DTNB: variants seen among roughly 807,000 people sequenced by gnomAD.
The protein encoded by DTNB is dystrobrevin beta, also known as DTN-B.
In DTNB, 63 loss-of-function variants were observed where a neutral mutation model predicts 90.7. The observed-to-expected ratio is 0.69, with a 90% CI of 0.57 to 0.86. The LOEUF (loss-of-function observed/expected upper bound fraction) is 0.86, where lower values mean the gene tolerates loss of function less well. Ranked by LOEUF, DTNB falls within the 40% of genes least tolerant of loss-of-function variation. DTNB has a pLI of 0.00. For missense variants in DTNB, 744 were observed against 807.1 expected, an observed-to-expected ratio of 0.92 and a Z score of 0.95; for synonymous variants, 277 against 286.7, an observed-to-expected ratio of 0.97 and a Z score of 0.34.
intron 8 of DTNB, among the ~76,000 whole-genome samples, chr2:25,565,258 C>T (rs1037316125): frequency 6.6e-6 from 1 of 152,034 alleles, no homozygotes; most frequent in African/African-American, 2.4e-5. Context: ...TCTTAAGAGA[C>T]AGGGTCTCAC....
At chr2:25,649,895 G>A (rs1404887043) in intron 2 of DTNB, 4 of 401,632 alleles carry the variant, frequency 1.0e-5, no homozygotes, top group African/African-American at 8.7e-5. Flanking sequence ...ATAGAAAGTA[G>A]TTATGCTGGA....
intron 8 of DTNB, among the ~76,000 whole-genome samples, chr2:25,535,540 G>C (rs866585974): frequency 6.9e-6 from 1 of 145,752 alleles, no homozygotes; most frequent in Non-Finnish European, 1.5e-5. Flanking sequence ...GGGGCGGCCG[G>C]GCAGAGGCGC....
chr2:25,627,372 C>T (rs1335289176), intron 4 of DTNB, among the ~76,000 whole-genome samples: 1 of 151,196 alleles, frequency 6.6e-6, no homozygotes, highest in African/African-American at 2.5e-5. Context: ...AGCTTGCACA[C>T]CATTGCACTC....
intron 18 of DTNB, among the ~76,000 whole-genome samples, chr2:25,384,289 C>T (rs1366397414): frequency 6.6e-6 from 1 of 151,718 alleles, no homozygotes; most frequent in African/African-American, 2.4e-5. Flanking sequence ...TAGATTAACA[C>T]GGGGTTCTGT....
intron 19 of DTNB, among the ~76,000 whole-genome samples, chr2:25,381,258 CTGTG>C (rs879895173): frequency 8.5e-5 from 13 of 152,194 alleles, no homozygotes; most frequent in Middle Eastern, 3.2e-3. Context: ...GTAAATTTAT[CTGTG>C]TATCTCTTCA....
Position 25,558,219 on chromosome 2 carries a change from A to C in DTNB, c.876+18619T>G, listed in dbSNP as rs961595497. The stretch of plus-strand genomic sequence containing the variant: ...CACATGGATTAAATTTATTTAGAGA[A>C]AGAGTTCAACCCTAAATCTGTACCT... On this transcript the variant is annotated intron_variant, in intron 8 of 20. Coordinates refer to ENST00000406818, the MANE Select transcript of DTNB (RefSeq NM_021907.5). 4 of 985,322 alleles carry C rather than the reference A, an allele frequency of 4.1e-6. No homozygotes were observed. In the African/African-American group the frequency reaches 7.0e-5, roughly 17 times the overall value. 61.0% of individuals were successfully genotyped at this position (985,322 alleles called of 1,614,324 possible). A position where few individuals can be genotyped will look rare whatever the true frequency, so the allele number is the denominator to read the frequency against.
rs550553284 is a variant in DTNB, at chr2:25,397,722, A to T, written c.1576-9361T>A. On this transcript the variant is annotated intron_variant, in intron 16 of 20. Coordinates refer to ENST00000406818, the MANE Select transcript of DTNB (RefSeq NM_021907.5). ...TGGCGAAACCCTGTCTCTACTAAAC[A>T]TACAAAAATTAGCTGGGCATGGTGG... Among the ~76,000 whole-genome samples the T allele has an allele frequency of 3.7e-4, 57 of 152,240 alleles. 1 individual carries two copies. The South Asian group carries it at 0.011, about 30-fold the overall frequency.
At chr2:25,468,392 C>T (rs1000208739) in intron 10 of DTNB, among the ~76,000 whole-genome samples, 1 of 152,136 alleles carries the variant, frequency 6.6e-6, no homozygotes, top group Admixed American at 6.5e-5. Flanking sequence ...TTCCAGGCTG[C>T]AATATGCTTG....
chr2:25,557,937 T>G (rs1405181567), intron 8 of DTNB, among the ~76,000 whole-genome samples: 1 of 152,214 alleles, frequency 6.6e-6, no homozygotes, highest in Non-Finnish European at 1.5e-5. Context: ...TCTCTGAATG[T>G]AGGAGTCTTA....
chr2:25,502,911 G>C (rs952191570), intron 9 of DTNB, among the ~76,000 whole-genome samples: 2 of 149,252 alleles, frequency 1.3e-5, no homozygotes, highest in African/African-American at 4.9e-5. Context: ...AAAATCAGCA[G>C]GGTGTGGTGG....
At chr2:25,526,546 C>T (rs2077235410) in intron 9 of DTNB, among the ~76,000 whole-genome samples, 1 of 151,588 alleles carries the variant, frequency 6.6e-6, no homozygotes, top group Non-Finnish European at 1.5e-5. Context: ...CAGGCACTGG[C>T]CGCCACGCCT....
intron 16 of DTNB, among the ~76,000 whole-genome samples, chr2:25,402,428 C>A (rs761073994): frequency 2.0e-5 from 3 of 152,164 alleles, no homozygotes; most frequent in Non-Finnish European, 4.4e-5. Context: ...TTAAGTGCTG[C>A]GGAGTCTTTT....
At chr2:25,432,599 G>A (rs1159667432) in intron 14 of DTNB, among the ~76,000 whole-genome samples, 1 of 152,212 alleles carries the variant, frequency 6.6e-6, no homozygotes, top group Non-Finnish European at 1.5e-5. Context: ...CTGCAGCACA[G>A]TGGTCTTCTT....
At chr2:25,557,346 A>G (rs1471178463) in intron 8 of DTNB, among the ~76,000 whole-genome samples, 1 of 152,152 alleles carries the variant, frequency 6.6e-6, no homozygotes, top group African/African-American at 2.4e-5. Context: ...CAGGACAGAA[A>G]GCTCGCTGCC....
intron 15 of DTNB, among the ~76,000 whole-genome samples, chr2:25,423,150 T>G (rs1299449301): frequency 2.6e-5 from 4 of 152,082 alleles, no homozygotes; most frequent in African/African-American, 9.7e-5. Flanking sequence ...GGAGCCAAGA[T>G]TGTGCCACTG....
chr2:25,467,908 C>A (rs1353461745), intron 10 of DTNB, among the ~76,000 whole-genome samples: 8 of 152,034 alleles, frequency 5.3e-5, no homozygotes. Flanking sequence ...CAAGTATGTT[C>A]CAATAAAACT....
intron 11 of DTNB, among the ~76,000 whole-genome samples, chr2:25,452,611 TAA>T (rs1289482654): frequency 6.6e-6 from 1 of 152,186 alleles, no homozygotes; most frequent in Non-Finnish European, 1.5e-5. Context: ...CAGAAAAATT[TAA>T]AGACATGACT....
At chr2:25,621,959 G>A (rs6718225) in intron 4 of DTNB, among the ~76,000 whole-genome samples, 24,906 of 151,578 alleles carry the variant, frequency 0.16, 2,598 homozygotes, top group East Asian at 0.57. Context: ...GTTCAATACC[G>A]TATTTTGTAT....
intron 1 of DTNB, among the ~76,000 whole-genome samples, chr2:25,664,847 G>A (rs370902922): frequency 4.6e-5 from 7 of 152,118 alleles, no homozygotes; most frequent in Non-Finnish European, 1.0e-4. Flanking sequence ...ATGCTAAAGC[G>A]CTAGAGCCCA....
Sources: allele counts gnomAD v4.1 joint callset (sites outside exome capture counted in the v4.1 genomes callset), GRCh38; gene constraint gnomAD v4.1.1; transcripts MANE v1.5; gene names NCBI Gene and HGNC (gene_info 2026-07-23, HGNC 2026-07-21).